The following RNF216 variants were observed in gnomAD, a reference collection of about 807,000 sequenced individuals.
RNF216 encodes the protein E3 ubiquitin-protein ligase RNF216.
Under a neutral mutation model 110.8 loss-of-function variants are expected in RNF216, and 72 were observed. That is an observed-to-expected ratio of 0.65 (90% CI 0.54 to 0.79). The LOEUF (loss-of-function observed/expected upper bound fraction) is 0.79. RNF216 is among the 30% of genes least tolerant of loss of function. The pLI, the probability that RNF216 is intolerant of heterozygous loss-of-function variation, is 0.00. For missense variants in RNF216, 1,342 were observed against 1,141.2 expected, an observed-to-expected ratio of 1.18 and a Z score of -2.54; for synonymous variants, 495 against 407.5, an observed-to-expected ratio of 1.21 and a Z score of -2.59.
intron 5 of RNF216, among the ~76,000 whole-genome samples, chr7:5,733,890 A>G (rs955901967): frequency 2.0e-5 from 3 of 152,240 alleles, no homozygotes; most frequent in Non-Finnish European, 4.4e-5. Flanking sequence ...TTTTTAGATG[A>G]GTAGAAGCCT....
At chr7:5,755,705 G>A (rs1795599575) in intron 2 of RNF216, among the ~76,000 whole-genome samples, 2 of 152,076 alleles carry the variant, frequency 1.3e-5, no homozygotes, top group South Asian at 2.1e-4. Context: ...TCTGTTGATA[G>A]ACATTTGAGT....
At chr7:5,751,490 T>A (rs6965723) in intron 3 of RNF216, among the ~76,000 whole-genome samples, 2 of 152,030 alleles carry the variant, frequency 1.3e-5, no homozygotes, top group South Asian at 4.1e-4. Context: ...TTCCTAGAAA[T>A]TGAAAGAAAG....
chr7:5,631,450 G>A (rs1040517079), intron 15 of RNF216, among the ~76,000 whole-genome samples: 1 of 152,146 alleles, frequency 6.6e-6, no homozygotes, highest in Non-Finnish European at 1.5e-5. Context: ...GTGCCTCCCT[G>A]GGTCACTGGT....
intron 1 of RNF216, among the ~76,000 whole-genome samples, chr7:5,776,580 G>A (rs1235721880): frequency 4.2e-5 from 5 of 117,790 alleles, no homozygotes; most frequent in Middle Eastern, 7.0e-3. Context: ...GGGCGACAGA[G>A]CAAGACTCCG....
At chr7:5,770,231 G>C (rs1388208572) in intron 1 of RNF216, among the ~76,000 whole-genome samples, 1 of 151,162 alleles carries the variant, frequency 6.6e-6, no homozygotes, top group African/African-American at 2.4e-5. Context: ...GGAGGCCAAG[G>C]TGGGCGGATC....
chr7:5,662,925 T>C (rs948058252), intron 13 of RNF216, among the ~76,000 whole-genome samples: 6 of 152,034 alleles, frequency 3.9e-5, no homozygotes, highest in South Asian at 4.1e-4. Flanking sequence ...AGCAGGACAG[T>C]AGACGGAGCT....
intron 13 of RNF216, among the ~76,000 whole-genome samples, chr7:5,657,912 A>G (rs541545697): frequency 1.6e-4 from 25 of 152,296 alleles, no homozygotes; most frequent in African/African-American, 5.8e-4. Context: ...AAGAACCTCT[A>G]TTTTTCCTAG....
intron 8 of RNF216, among the ~76,000 whole-genome samples, chr7:5,723,717 C>G (rs1180668787): frequency 6.6e-6 from 1 of 152,012 alleles, no homozygotes; most frequent in African/African-American, 2.4e-5. Context: ...TCCTGCATGA[C>G]CATAAAAAGG....
At chr7:5,761,473 G>A (rs1410821860) in intron 1 of RNF216, among the ~76,000 whole-genome samples, 3 of 152,106 alleles carry the variant, frequency 2.0e-5, no homozygotes, top group Admixed American at 1.3e-4. Context: ...CTAATAATCA[G>A]GGAAAGGCAA....
At chr7:5,733,764 T>A (rs1794228063) in intron 5 of RNF216, among the ~76,000 whole-genome samples, 2 of 151,708 alleles carry the variant, frequency 1.3e-5, no homozygotes, top group African/African-American at 4.8e-5. Flanking sequence ...ACACAGCCAA[T>A]TAGCAAAGAA....
chr7:5,704,975 T>A (rs1584481430), intron 13 of RNF216, among the ~76,000 whole-genome samples: 1 of 152,326 alleles, frequency 6.6e-6, no homozygotes, highest in East Asian at 1.9e-4. Flanking sequence ...TGCAAAACGT[T>A]GCTGAGGGGC....
chr7:5,693,087 G>A (rs1046234211), intron 13 of RNF216, among the ~76,000 whole-genome samples: 1 of 152,148 alleles, frequency 6.6e-6, no homozygotes, highest in Non-Finnish European at 1.5e-5. Flanking sequence ...GGGATTCCAC[G>A]TCATTCTTTT....
At chr7:5,646,290 G>A in intron 14 of RNF216, among the ~76,000 whole-genome samples, 1 of 151,674 alleles carries the variant, frequency 6.6e-6, no homozygotes. Context: ...AATCGCTTGG[G>A]CCCAGAGGTG....
chr7:5,725,949 CACTT>C (rs1793727563), intron 7 of RNF216, among the ~76,000 whole-genome samples: 1 of 151,432 alleles, frequency 6.6e-6, no homozygotes. Context: ...GGAAGCAAAA[CACTT>C]ACTGACAGAT....
chr7:5,746,355 CAG>C (rs1795029522), intron 3 of RNF216, among the ~76,000 whole-genome samples: 1 of 152,140 alleles, frequency 6.6e-6, no homozygotes, highest in Admixed American at 6.5e-5. Context: ...TCCCTCTTTG[CAG>C]AGGTCTTTAC....
At position 5,729,900 on chromosome 7, in the gene RNF216, C is replaced by T. The variant is rs542352906; in HGVS notation, c.1225-304G>A. Among the ~76,000 whole-genome samples, 6 of 152,176 alleles carry T rather than the reference C, an allele frequency of 3.9e-5. No homozygotes were observed. The South Asian group carries it at 1.2e-3, about 32-fold the overall frequency. On this transcript the variant is annotated intron_variant, in intron 6 of 16. Coordinates refer to ENST00000389902, the MANE Select transcript of RNF216 (RefSeq NM_207111.4). Reference sequence around the variant, plus strand: ...ACTATTTTTTTTCTATTACAGAATACGTAAGAGAGACAGTCAAAGAATCTA... The same window carrying T: ...ACTATTTTTTTTCTATTACAGAATATGTAAGAGAGACAGTCAAAGAATCTA...
chr7:5,773,338 G>T (rs1796601535), intron 1 of RNF216, among the ~76,000 whole-genome samples: 1 of 151,720 alleles, frequency 6.6e-6, no homozygotes, highest in South Asian at 2.1e-4. Context: ...CACCTCCTGG[G>T]TTCAAGCGAT....
chr7:5,635,137 T>C (rs1470055399), intron 15 of RNF216, among the ~76,000 whole-genome samples: 1 of 151,984 alleles, frequency 6.6e-6, no homozygotes, highest in East Asian at 1.9e-4. Context: ...ATCTGCAAAA[T>C]AGGAAAGCAC....
chr7:5,697,786 T>TA (rs1233002291), intron 13 of RNF216, among the ~76,000 whole-genome samples: 8 of 151,910 alleles, frequency 5.3e-5, no homozygotes, highest in African/African-American at 1.9e-4. Flanking sequence ...TAGGTCAGAG[T>TA]AGTAGGTGCT....
Sources: gnomAD v4.1 joint callset for allele counts (sites outside exome capture counted in the v4.1 genomes callset) on GRCh38, gnomAD v4.1.1 for gene constraint, MANE v1.5 for transcripts, NCBI Gene and HGNC (gene_info 2026-07-23, HGNC 2026-07-21) for gene names.